The following SAXO1 variants were observed in gnomAD, a reference collection of about 807,000 sequenced individuals.
SAXO1 encodes stabilizer of axonemal microtubules 1, also known as 4930500O09Rik.
SAXO1 carries 21 observed loss-of-function variants against 17.5 expected under a neutral mutation model. The ratio of observed to expected loss-of-function variants is 1.20; its 90% CI spans 0.85 to 1.72. SAXO1 has a LOEUF of 1.72. Ranked by LOEUF, SAXO1 falls within the 40% of genes most tolerant of loss-of-function variation. The probability of loss-of-function intolerance (pLI) is 0.00; values close to 1 mark genes in which losing one functional copy is unlikely to be tolerated. For synonymous variants in SAXO1, 274 were observed against 216.5 expected, an observed-to-expected ratio of 1.27 and a Z score of -2.33; for missense variants, 843 against 596.0, an observed-to-expected ratio of 1.41 and a Z score of -4.32.
chr9:18,992,913 G>A (rs1184591079), intron 1 of SAXO1, among the ~76,000 whole-genome samples: 4 of 151,982 alleles, frequency 2.6e-5, no homozygotes, highest in African/African-American at 9.7e-5. Context: ...TGATTCTCCT[G>A]CCTCAGCCTC....
intron 1 of SAXO1, among the ~76,000 whole-genome samples, chr9:18,996,108 T>C (rs1833989883): frequency 6.6e-6 from 1 of 151,858 alleles, no homozygotes; most frequent in African/African-American, 2.4e-5. Flanking sequence ...GAAAGTTTTA[T>C]TATATAAATG....
At chr9:18,959,409 A>G (rs1403293099) in intron 1 of SAXO1, among the ~76,000 whole-genome samples, 1 of 152,132 alleles carries the variant, frequency 6.6e-6, no homozygotes, top group Non-Finnish European at 1.5e-5. Flanking sequence ...GGGAGAGAAG[A>G]ATCAGAGCCA....
At chr9:19,035,139 T>C (rs148614116), upstream of SAXO1, among the ~76,000 whole-genome samples, 9 of 152,356 alleles carry the variant, frequency 5.9e-5, no homozygotes, top group East Asian at 1.5e-3. Context: ...CAGCCAAACT[T>C]ACCCTGACCC....
At chr9:19,038,138 G>A (rs368659599), upstream of SAXO1, among the ~76,000 whole-genome samples, 1 of 152,190 alleles carries the variant, frequency 6.6e-6, no homozygotes, top group Non-Finnish European at 1.5e-5. Flanking sequence ...GAGAAACAGG[G>A]ACACTTTTAC....
At chr9:18,954,853 G>C (rs1056917288) in intron 1 of SAXO1, among the ~76,000 whole-genome samples, 1 of 150,864 alleles carries the variant, frequency 6.6e-6, no homozygotes, top group Non-Finnish European at 1.5e-5. Context: ...TCCTAGAATG[G>C]ATAACAGAAC....
intron 2 of SAXO1, among the ~76,000 whole-genome samples, chr9:18,948,100 G>A (rs971760607): frequency 2.6e-5 from 4 of 152,144 alleles, no homozygotes; most frequent in African/African-American, 9.7e-5. Flanking sequence ...AGACACAAGG[G>A]TGTGCAGACA....
At chr9:18,959,322 T>C (rs1206034357) in intron 1 of SAXO1, among the ~76,000 whole-genome samples, 1 of 151,360 alleles carries the variant, frequency 6.6e-6, no homozygotes, top group Non-Finnish European at 1.5e-5. Flanking sequence ...AAATAATCGG[T>C]GGAAAAAGAG....
At chr9:18,946,279 CAAAAAAA>C (rs56858815) in intron 2 of SAXO1, among the ~76,000 whole-genome samples, 1,177 of 34,468 alleles carry the variant, frequency 0.034, 16 homozygotes, top group African/African-American at 0.087. Flanking sequence ...TTCATCTCAC[CAAAAAAA>C]AAAAAAAAAA....
At chr9:19,026,539 T>G (rs1260607828) in intron 1 of SAXO1, among the ~76,000 whole-genome samples, 1 of 152,132 alleles carries the variant, frequency 6.6e-6, no homozygotes, top group African/African-American at 2.4e-5. Context: ...AACCACAGTT[T>G]CAAATTTAGT....
chr9:18,967,172 G>C (rs907852780), intron 1 of SAXO1, among the ~76,000 whole-genome samples: 1 of 152,198 alleles, frequency 6.6e-6, no homozygotes, highest in African/African-American at 2.4e-5. Flanking sequence ...CCTGTATGAG[G>C]TGTCTGTCTA....
At chr9:18,967,223 T>C (rs28888402) in intron 1 of SAXO1, among the ~76,000 whole-genome samples, 9,221 of 152,040 alleles carry the variant, frequency 0.061, 304 homozygotes, top group African/African-American at 0.1. Flanking sequence ...GGCCTGGGGG[T>C]CAGGGACCCA....
At chr9:19,009,581 T>C (rs182117844) in intron 1 of SAXO1, among the ~76,000 whole-genome samples, 1,271 of 123,816 alleles carry the variant, frequency 0.01, 17 homozygotes, top group African/African-American at 0.048. Context: ...AATTTGGTAT[T>C]TAAATCTGTG....
chr9:18,951,689 T>C (rs796097872), intron 1 of SAXO1, among the ~76,000 whole-genome samples: 59 of 152,332 alleles, frequency 3.9e-4, no homozygotes, highest in African/African-American at 1.3e-3. Flanking sequence ...CCATCACTTA[T>C]AGCTACCTGT....
chr9:18,958,075 G>C (rs2131746642), intron 1 of SAXO1, among the ~76,000 whole-genome samples: 2 of 152,182 alleles, frequency 1.3e-5, no homozygotes, highest in East Asian at 3.9e-4. Context: ...AGAGAAATCT[G>C]AATAACTCCA....
At chr9:18,938,539 GT>G (rs1831400526) in intron 3 of SAXO1, among the ~76,000 whole-genome samples, 1 of 151,918 alleles carries the variant, frequency 6.6e-6, no homozygotes, top group African/African-American at 2.4e-5. Flanking sequence ...GGGCAGGGGG[GT>G]GCTAAACCAT....
intron 1 of SAXO1, among the ~76,000 whole-genome samples, chr9:18,964,818 T>C (rs1037114832): frequency 1.3e-5 from 2 of 152,206 alleles, no homozygotes; most frequent in African/African-American, 4.8e-5. Context: ...TGTTTGCTCT[T>C]GCTTCTCTAG....
intron 1 of SAXO1, among the ~76,000 whole-genome samples, chr9:18,957,192 C>A (rs1832290573): frequency 6.6e-6 from 1 of 152,206 alleles, no homozygotes; most frequent in Non-Finnish European, 1.5e-5. Flanking sequence ...CCAATACAGA[C>A]CAACAAATAG....
At chr9:18,976,317 C>A (rs1163434667) in intron 1 of SAXO1, among the ~76,000 whole-genome samples, 2 of 152,106 alleles carry the variant, frequency 1.3e-5, no homozygotes, top group African/African-American at 2.4e-5. Flanking sequence ...AATGCTGACT[C>A]CTAACTTCCC....
chr9:18,946,429 T>G (rs1831800630), intron 2 of SAXO1, among the ~76,000 whole-genome samples: 1 of 151,190 alleles, frequency 6.6e-6, no homozygotes. Context: ...CTGCATAACC[T>G]CACATATATG....
Sources: gnomAD v4.1 joint callset for allele counts (sites outside exome capture counted in the v4.1 genomes callset) on GRCh38, gnomAD v4.1.1 for gene constraint, MANE v1.5 for transcripts, NCBI Gene and HGNC (gene_info 2026-07-23, HGNC 2026-07-21) for gene names.